The following SUCLA2 variants were observed in gnomAD, a reference collection of about 807,000 sequenced individuals.
SUCLA2 encodes succinate-CoA ligase ADP-forming subunit beta, also known as succinate--CoA ligase [ADP-forming] subunit beta, mitochondrial.
Under a neutral mutation model 54.8 loss-of-function variants are expected in SUCLA2, and 30 were observed. That is an observed-to-expected ratio of 0.55 (90% CI 0.41 to 0.74). The LOEUF (loss-of-function observed/expected upper bound fraction) is 0.74. Ranked by LOEUF, SUCLA2 falls within the 30% of genes least tolerant of loss-of-function variation. The pLI, the probability that SUCLA2 is intolerant of heterozygous loss-of-function variation, is 0.00. For missense variants in SUCLA2, 476 were observed against 562.9 expected (o/e 0.85, Z 1.56); for synonymous variants, 172 against 188.9 (o/e 0.91, Z 0.74).
At chr13:47,991,667 CATA>C (rs1950150004) in intron 2 of SUCLA2, 1 of 152,164 alleles carries the variant, frequency 6.6e-6, no homozygotes. Context: ...GTTCCTAGCA[CATA>C]ATATTTTGCT....
chr13:47,944,165 C>T (rs987277987), intron 10 of SUCLA2, among the ~76,000 whole-genome samples: 1 of 151,994 alleles, frequency 6.6e-6, no homozygotes, highest in African/African-American at 2.4e-5. Context: ...TGACATACAA[C>T]CTTGAATAAG....
chr13:47,978,807 T>G (rs1315574327), intron 4 of SUCLA2, among the ~76,000 whole-genome samples: 1 of 151,998 alleles, frequency 6.6e-6, no homozygotes, highest in Non-Finnish European at 1.5e-5. Context: ...ACAAGGAACT[T>G]AAACAAATTT....
Position 47,949,034 on chromosome 13 carries a change from A to T in SUCLA2, c.1229-6T>A. ...AGCATCATCGACTCGTGTACCTGTAAATGATTTATGCAAATATAAATGTTT... is the reference window on the plus strand; with the variant it reads ...AGCATCATCGACTCGTGTACCTGTATATGATTTATGCAAATATAAATGTTT... On this transcript the variant is annotated splice_region_variant and splice_polypyrimidine_tract_variant and intron_variant, in intron 9 of 10. Transcript: ENST00000646932. 1 of 1,612,844 alleles carries T rather than the reference A, an allele frequency of 6.2e-7. No individual in the cohort carries two copies. Among genetic ancestry groups the T allele is most frequent in the African/African-American group, 1.3e-5 (1 of 75,000 alleles).
At chr13:47,971,128 T>C (rs868205589) in intron 5 of SUCLA2, among the ~76,000 whole-genome samples, 4 of 151,868 alleles carry the variant, frequency 2.6e-5, no homozygotes, top group Admixed American at 2.0e-4. Flanking sequence ...AGGTGAGTCA[T>C]TAGGCCAGGC....
chr13:47,966,571 C>G (rs1199455776), intron 6 of SUCLA2, among the ~76,000 whole-genome samples: 1 of 150,486 alleles, frequency 6.6e-6, no homozygotes, highest in Non-Finnish European at 1.5e-5. Context: ...TTTGCACCAA[C>G]CTAAATATTA....
At chr13:47,954,342 G>T (rs1949801558) in intron 7 of SUCLA2, 54 bp downstream of exon 7, 4 of 1,613,668 alleles carry the variant, frequency 2.5e-6, no homozygotes, top group African/African-American at 1.3e-5. Context: ...ATTAAACTTA[G>T]TAAATCCAAA....
rs144789282 is a variant in SUCLA2, at chr13:47,949,003, T to C, written c.1254A>G (p.Ala418=). Residue 418 remains alanine (A), a synonymous_variant, in exon 10 of 11, where the codon GCA becomes GCG. Coordinates refer to ENST00000646932, the MANE Select transcript of SUCLA2 (RefSeq NM_003850.3). ...TTTTAAGTCCACTGTCCGCTATCAG[T>C]GCCTTAGCATCATCGACTCGTGTAC... ...LQGTRVDDAK[A]LIADSGLKIL... The C allele has an allele frequency of 5.0e-6, 8 of 1,613,818 alleles. No homozygotes were observed. The African/African-American group carries it at 9.3e-5, about 19-fold the overall frequency.
chr13:47,962,143 G>C (rs1411617362), intron 6 of SUCLA2, among the ~76,000 whole-genome samples: 2 of 151,730 alleles, frequency 1.3e-5, no homozygotes. Context: ...TTTGTTTTTT[G>C]TTTTTCAGAG....
chr13:47,961,516 C>T (rs1949870862), intron 6 of SUCLA2, among the ~76,000 whole-genome samples: 1 of 82,500 alleles, frequency 1.2e-5, no homozygotes, highest in Non-Finnish European at 3.2e-5. Flanking sequence ...GTCTTTTTGA[C>T]CTCAAACTAT....
chr13:47,952,292 C>T (rs1471182000), intron 8 of SUCLA2, among the ~76,000 whole-genome samples: 2 of 151,934 alleles, frequency 1.3e-5, no homozygotes, highest in East Asian at 1.9e-4. Flanking sequence ...TTGGGTTTTC[C>T]TTCTCTATTC....
intron 4 of SUCLA2, among the ~76,000 whole-genome samples, chr13:47,980,048 T>C (rs956291070): frequency 1.3e-5 from 2 of 152,186 alleles, no homozygotes; most frequent in Non-Finnish European, 2.9e-5. Context: ...AATAAAATAC[T>C]TAAGGATAGC....
Position 47,960,045 on chromosome 13 carries a change from G to A in SUCLA2, c.803-5488C>T, listed in dbSNP as rs79691284. Among the ~76,000 whole-genome samples the A allele has an allele frequency of 1.9e-3, 293 of 152,166 alleles. 2 individuals are homozygous for A. Among genetic ancestry groups the A allele is most frequent in the African/African-American group, 6.7e-3 (279 of 41,526 alleles). On this transcript the variant is annotated intron_variant, in intron 6 of 10. Coordinates refer to ENST00000646932, the MANE Select transcript of SUCLA2 (RefSeq NM_003850.3). ...CTTAAGGTTATTGAATTGTGTACCA[G>A]GAATAAAATATTCATCATGTGGTTT... is the stretch of plus-strand genomic sequence containing the variant.
At chr13:47,999,263 C>T (rs2137757073) in intron 1 of SUCLA2, among the ~76,000 whole-genome samples, 1 of 152,282 alleles carries the variant, frequency 6.6e-6, no homozygotes, top group African/African-American at 2.4e-5. Flanking sequence ...ATTCATGTTA[C>T]AGCAATGTTG....
At chr13:47,957,510 C>T (rs900620719) in intron 6 of SUCLA2, among the ~76,000 whole-genome samples, 11 of 152,154 alleles carry the variant, frequency 7.2e-5, no homozygotes, top group South Asian at 2.1e-4. Context: ...CCACCACAGC[C>T]GGCCCCAACC....
chr13:48,000,140 A>G (rs1200815093), intron 1 of SUCLA2, among the ~76,000 whole-genome samples: 3 of 151,542 alleles, frequency 2.0e-5, no homozygotes, highest in East Asian at 1.9e-4. Context: ...TAAAAATGAA[A>G]AAAAAAAAAA....
At chr13:47,967,056 C>T (rs944005478) in intron 6 of SUCLA2, among the ~76,000 whole-genome samples, 5 of 151,954 alleles carry the variant, frequency 3.3e-5, no homozygotes, top group African/African-American at 1.2e-4. Flanking sequence ...TATTAATTTC[C>T]AATGTTATTG....
chr13:47,949,651 T>C, intron 8 of SUCLA2, 48 bp from the exon 9 acceptor site: 1 of 1,595,366 alleles, frequency 6.3e-7, no homozygotes, highest in Non-Finnish European at 8.6e-7. Context: ...GAAATTTAAG[T>C]TCTTTTCCCC....
At chr13:47,956,685 C>T (rs1277443589) in intron 6 of SUCLA2, among the ~76,000 whole-genome samples, 1 of 152,118 alleles carries the variant, frequency 6.6e-6, no homozygotes, top group East Asian at 1.9e-4. Flanking sequence ...GCAGTTTTGT[C>T]CCACAGGGGA....
chr13:47,997,090 T>C, intron 1 of SUCLA2, 67 bp from the exon 2 acceptor site: 1 of 1,529,398 alleles, frequency 6.5e-7, no homozygotes, highest in African/African-American at 1.4e-5. Context: ...AACTACTTGG[T>C]TCTTCATAAC....
Sources: allele counts gnomAD v4.1 joint callset (sites outside exome capture counted in the v4.1 genomes callset), GRCh38; gene constraint gnomAD v4.1.1; transcripts MANE v1.5; gene names NCBI Gene and HGNC (gene_info 2026-07-23, HGNC 2026-07-21).